Variants in ARL15 observed in about 807,000 individuals in gnomAD.
ARL15 encodes ARF like GTPase 15.
A neutral mutation model predicts 25.2 loss-of-function variants in ARL15; 19 were observed. That is an observed-to-expected ratio of 0.75 (90% CI 0.53 to 1.10). The LOEUF (loss-of-function observed/expected upper bound fraction) is 1.10, where lower values mean the gene tolerates loss of function less well. Among genes scored for constraint, ARL15 ranks in the 50% least tolerant of loss-of-function variants. The pLI, the probability that ARL15 is intolerant of heterozygous loss-of-function variation, is 0.00. For missense variants in ARL15, 220 were observed against 246.0 expected (o/e 0.89, Z 0.71); for synonymous variants, 94 against 86.8 (o/e 1.08, Z -0.46).
rs146008071 is a variant in ARL15, at chr5:54,074,108, A to G, written c.462+39094T>C. On this transcript the variant is annotated intron_variant, in intron 4 of 4. Coordinates refer to ENST00000504924, the MANE Select transcript of ARL15 (RefSeq NM_019087.3). ...TCTAGCTCACCCATTTGGTAATTTT[A>G]CTGTTGACTAGCATCTTTACTATAT... Among the ~76,000 whole-genome samples, 47 of 152,312 alleles carry G rather than the reference A, an allele frequency of 3.1e-4. No individual in the cohort carries two copies. In the East Asian group the frequency reaches 8.7e-3, roughly 28 times the overall value.
intron 4 of ARL15, among the ~76,000 whole-genome samples, chr5:54,055,613 G>A (rs879054079): frequency 2.6e-5 from 4 of 151,906 alleles, no homozygotes; most frequent in African/African-American, 9.7e-5. Context: ...CACCCGTCTC[G>A]GCCTCCCAAA....
chr5:54,188,050 C>T (rs192199659), intron 1 of ARL15, among the ~76,000 whole-genome samples: 1 of 152,216 alleles, frequency 6.6e-6, no homozygotes, highest in Admixed American at 6.5e-5. Flanking sequence ...AAGGTACAAT[C>T]CCTCAAGTCT....
At chr5:54,097,666 C>T (rs1752328176) in intron 4 of ARL15, among the ~76,000 whole-genome samples, 3 of 152,164 alleles carry the variant, frequency 2.0e-5, no homozygotes, top group African/African-American at 4.8e-5. Context: ...TGGTAACATG[C>T]TACCAGAACT....
rs551759106 is a variant in ARL15, at chr5:53,893,464, A to G, written c.463-6751T>C. On this transcript the variant is annotated intron_variant, in intron 4 of 4. Coordinates refer to ENST00000504924, the MANE Select transcript of ARL15 (RefSeq NM_019087.3). ...TACTAAAAGATACAAAAAAATTAGCAGGGCGTGGTGGTGGGCGCCTGTAGT... is the reference window on the plus strand; with the variant it reads ...TACTAAAAGATACAAAAAAATTAGCGGGGCGTGGTGGTGGGCGCCTGTAGT... 1.9e-3 allele frequency among the ~76,000 whole-genome samples: 291 copies of G among 152,116 alleles called. 2 individuals carry two copies. The highest frequency in any genetic ancestry group is 6.8e-3 in the African/African-American group (282 of 41,514).
chr5:54,248,110 A>G (rs1216272404), intron 1 of ARL15, among the ~76,000 whole-genome samples: 2 of 152,192 alleles, frequency 1.3e-5, no homozygotes, highest in Non-Finnish European at 1.5e-5. Flanking sequence ...GAGGGCTTCT[A>G]GTAACCTGCT....
chr5:53,932,595 G>C (rs1746225933), intron 4 of ARL15, among the ~76,000 whole-genome samples: 1 of 152,168 alleles, frequency 6.6e-6, no homozygotes, highest in Non-Finnish European at 1.5e-5. Flanking sequence ...AAACATTCTG[G>C]AAGACTCCGT....
intron 2 of ARL15, among the ~76,000 whole-genome samples, chr5:54,157,658 G>A (rs577531227): frequency 3.3e-5 from 5 of 152,034 alleles, no homozygotes; most frequent in South Asian, 2.1e-4. Context: ...TGATCTACCC[G>A]CCTCGGCCTC....
In ARL15 at chr5:54,290,860, T is replaced by C. The variant is rs184978713; in HGVS notation, c.48+19572A>G. 1.9e-3 allele frequency among the ~76,000 whole-genome samples: 284 copies of C among 152,266 alleles called. 1 individual carries two copies. Among genetic ancestry groups the C allele is most frequent in the Admixed American group, 4.6e-3 (70 of 15,292 alleles). On this transcript the variant is annotated intron_variant, in intron 1 of 4. Transcript: ENST00000504924. ...TCTACTAAAACCTTAGAAATCATTGTTTAGGGGTTCTTTCCTTGAATTTAT... is the reference window on the plus strand; with the variant it reads ...TCTACTAAAACCTTAGAAATCATTGCTTAGGGGTTCTTTCCTTGAATTTAT...
intron 1 of ARL15, 57 bp downstream of exon 1, chr5:54,310,375 G>A: frequency 1.3e-6 from 2 of 1,564,636 alleles, no homozygotes; most frequent in South Asian, 1.2e-5. Flanking sequence ...CAAGGCAGGG[G>A]GCCATCGGGC....
intron 4 of ARL15, among the ~76,000 whole-genome samples, chr5:54,087,494 T>C (rs1752005648): frequency 6.6e-6 from 1 of 152,188 alleles, no homozygotes; most frequent in East Asian, 1.9e-4. Flanking sequence ...CATGGTTAGA[T>C]TCTTTGAATT....
In ARL15 at chr5:54,066,860, A is replaced by G. The variant is rs545233492; in HGVS notation, c.462+46342T>C. Among the ~76,000 whole-genome samples the G allele has an allele frequency of 2.6e-5, 4 of 152,322 alleles. No individual in the cohort carries two copies. In the East Asian group the frequency reaches 5.8e-4, roughly 22 times the overall value. On this transcript the variant is annotated intron_variant, in intron 4 of 4. Coordinates refer to ENST00000504924, the MANE Select transcript of ARL15 (RefSeq NM_019087.3). ...AAATATAAAAAAATTATTACTAAAA[A>G]AGTAACAGAAACTAAAGCATAATCG...
intron 4 of ARL15, among the ~76,000 whole-genome samples, chr5:53,977,332 G>A (rs564376420): frequency 0.033 from 4,427 of 136,210 alleles, 85 homozygotes; most frequent in Non-Finnish European, 0.049. Context: ...TCCAGCCTGA[G>A]CAACAGAGTG....
chr5:54,063,955 T>C (rs532282884), intron 4 of ARL15, among the ~76,000 whole-genome samples: 13 of 152,336 alleles, frequency 8.5e-5, no homozygotes, highest in Non-Finnish European at 1.8e-4. Context: ...ACATCATTTT[T>C]AGCATTTTTC....
chr5:54,072,203 C>A (rs1291894452), intron 4 of ARL15, among the ~76,000 whole-genome samples: 1 of 152,110 alleles, frequency 6.6e-6, no homozygotes, highest in Non-Finnish European at 1.5e-5. Flanking sequence ...TTACTATCAG[C>A]CACGATCACT....
chr5:53,943,550 C>G (rs1294536958), intron 4 of ARL15, among the ~76,000 whole-genome samples: 1 of 152,086 alleles, frequency 6.6e-6, no homozygotes, highest in Non-Finnish European at 1.5e-5. Flanking sequence ...CTGTCATGTT[C>G]AGTTTTTCTG....
At chr5:53,900,559 A>T (rs1209760228) in intron 4 of ARL15, among the ~76,000 whole-genome samples, 1 of 152,068 alleles carries the variant, frequency 6.6e-6, no homozygotes, top group Non-Finnish European at 1.5e-5. Context: ...AATGAAAAAA[A>T]ATTGTATTAT....
intron 4 of ARL15, among the ~76,000 whole-genome samples, chr5:53,934,433 GAA>G (rs3839228): frequency 0.27 from 40,430 of 150,890 alleles, 6,478 homozygotes; most frequent in Middle Eastern, 0.39. Flanking sequence ...TATAAATTGA[GAA>G]AAAAAAAAAT....
chr5:53,982,276 G>A (rs900512952), intron 4 of ARL15, among the ~76,000 whole-genome samples: 11 of 150,694 alleles, frequency 7.3e-5, no homozygotes, highest in African/African-American at 2.7e-4. Flanking sequence ...ATGGTGGTTT[G>A]CTGCACCCAT....
At chr5:54,276,463 C>T (rs552828233) in intron 1 of ARL15, among the ~76,000 whole-genome samples, 1 of 152,332 alleles carries the variant, frequency 6.6e-6, no homozygotes, top group Admixed American at 6.5e-5. Context: ...CAACATTCTA[C>T]ACCCAGCATT....
Sources: allele counts gnomAD v4.1 joint callset (sites outside exome capture counted in the v4.1 genomes callset), GRCh38; gene constraint gnomAD v4.1.1; transcripts MANE v1.5; gene names NCBI Gene and HGNC (gene_info 2026-07-23, HGNC 2026-07-21).